Variants in SLC6A2 observed in about 807,000 individuals in gnomAD.
The protein encoded by SLC6A2 is sodium-dependent noradrenaline transporter.
In SLC6A2, 26 loss-of-function variants were observed where a neutral mutation model predicts 71.7. The observed-to-expected ratio is 0.36, with a 90% CI of 0.27 to 0.50. The LOEUF is 0.50. SLC6A2 is among the 20% of genes least tolerant of loss of function. The pLI is 0.96. For synonymous variants in SLC6A2, 363 were observed against 337.9 expected, an observed-to-expected ratio of 1.07 and a Z score of -0.82; for missense variants, 581 against 803.9, an observed-to-expected ratio of 0.72 and a Z score of 3.35.
intron 2 of SLC6A2, among the ~76,000 whole-genome samples, chr16:55,662,672 T>C (rs1964641464): frequency 6.6e-6 from 1 of 152,130 alleles, no homozygotes; most frequent in Non-Finnish European, 1.5e-5. Flanking sequence ...AAAAATCAAG[T>C]CCAGATCCTC....
At chr16:55,689,752 A>G (rs1965557059) in intron 5 of SLC6A2, among the ~76,000 whole-genome samples, 1 of 152,216 alleles carries the variant, frequency 6.6e-6, no homozygotes, top group Admixed American at 6.5e-5. Flanking sequence ...TTTCCAGGGC[A>G]TGTTTCCCTC....
Position 55,703,457 on chromosome 16 carries a change from G to A in SLC6A2, c.*1111G>A. The stretch of plus-strand genomic sequence containing the variant: ...TAGATGTGGCACCTTGGAGGGCAGG[G>A]TGAGACAAGCAGCCCAGAAATACTC... On this transcript the variant is annotated 3_prime_UTR_variant, in exon 15 of 15. Transcript: ENST00000568943. 1 of 985,484 alleles carries A rather than the reference G, an allele frequency of 1.0e-6. No individual in the cohort carries two copies. Among genetic ancestry groups the A allele is most frequent in the Non-Finnish European group, 1.2e-6 (1 of 829,956 alleles). 61.0% of individuals were successfully genotyped at this position (985,484 alleles called of 1,614,324 possible). A position where few individuals can be genotyped will look rare whatever the true frequency, so the allele number is the denominator to read the frequency against.
intron 9 of SLC6A2, 36 bp from the exon 10 acceptor site, chr16:55,697,861 T>C (rs1423821021): frequency 6.2e-7 from 1 of 1,612,916 alleles, no homozygotes; most frequent in Admixed American, 1.7e-5. Flanking sequence ...AGGGAGACCC[T>C]AATTCCTGCA....
chr16:55,681,227 AACTCAG>A, intron 4 of SLC6A2, among the ~76,000 whole-genome samples: 1 of 152,218 alleles, frequency 6.6e-6, no homozygotes, highest in Admixed American at 6.5e-5. Context: ...GATATTCTGT[AACTCAG>A]CCCTCATCAC....
At chr16:55,660,534 C>T (rs1347127588) in intron 2 of SLC6A2, among the ~76,000 whole-genome samples, 1 of 152,154 alleles carries the variant, frequency 6.6e-6, no homozygotes, top group African/African-American at 2.4e-5. Flanking sequence ...CCAGTAATTC[C>T]CAAATTAGCC....
Position 55,668,119 on chromosome 16 carries a change from A to G in SLC6A2, c.275-1446A>G, listed in dbSNP as rs142389594. Among the ~76,000 whole-genome samples, 1,001 of 151,462 alleles carry G rather than the reference A, an allele frequency of 6.6e-3. 5 individuals are homozygous for G. Among genetic ancestry groups the G allele is most frequent in the African/African-American group, 0.023 (941 of 41,216 alleles). On this transcript the variant is annotated intron_variant, in intron 2 of 14. Transcript: ENST00000568943. ...GCCCCCCACCACTGATCCATCTTCT[A>G]CTCACAAGGGACTAGGTCTCTCAGC... is the stretch of plus-strand genomic sequence containing the variant.
intron 2 of SLC6A2, among the ~76,000 whole-genome samples, chr16:55,666,932 T>G (rs1964766733): frequency 6.6e-6 from 1 of 152,224 alleles, no homozygotes; most frequent in South Asian, 2.1e-4. Context: ...CTTGGGCCAC[T>G]GACTTCCATC....
Position 55,670,757 on chromosome 16 carries a change from A to C in SLC6A2, c.406+1061A>C, listed in dbSNP as rs1176962118. Reference sequence around the variant, plus strand: ...CTTAAAGGTCCCAGAGAAGATTCTCATTGGTTTAACTTGAGTCATATGCCC... The same window carrying C: ...CTTAAAGGTCCCAGAGAAGATTCTCCTTGGTTTAACTTGAGTCATATGCCC... On this transcript the variant is annotated intron_variant, in intron 3 of 14. Transcript: ENST00000568943. Among the ~76,000 whole-genome samples, 8 of 152,360 alleles carry C rather than the reference A, an allele frequency of 5.3e-5. 1 individual carries two copies. The highest frequency in any genetic ancestry group is 1.5e-5 in the Non-Finnish European group (1 of 68,040).
At chr16:55,665,029 G>T (rs1964711023) in intron 2 of SLC6A2, among the ~76,000 whole-genome samples, 1 of 152,156 alleles carries the variant, frequency 6.6e-6, no homozygotes, top group Non-Finnish European at 1.5e-5. Flanking sequence ...CGGGAGGTGG[G>T]GGTGTCTGCA....
intron 5 of SLC6A2, 94 bp from the exon 6 acceptor site, chr16:55,691,824 G>T: frequency 7.0e-7 from 1 of 1,422,768 alleles, no homozygotes; most frequent in South Asian, 1.2e-5. Flanking sequence ...GAAAGAGCAT[G>T]ACTGGCTCCC....
intron 4 of SLC6A2, among the ~76,000 whole-genome samples, chr16:55,674,587 G>A (rs1301578636): frequency 6.6e-6 from 1 of 152,010 alleles, no homozygotes; most frequent in East Asian, 1.9e-4. Flanking sequence ...ACAACGCCTG[G>A]CTAATTTTTG....
rs1965650518 is a variant in SLC6A2, at chr16:55,692,046, G to C, written c.912G>C (p.Glu304Asp). The change falls in exon 6 of 15, where the codon GAG becomes GAC. Residue 304 changes from glutamate (E) to aspartate (D), a missense_variant. By Grantham distance (45) the Glu-to-Asp change is conservative. Coordinates refer to ENST00000568943, the MANE Select transcript of SLC6A2 (RefSeq NM_001172501.3). The part of the protein sequence containing the change: ...YLHIDFYRLK[E>D]ATVWIDAATQ... The stretch of plus-strand genomic sequence containing the variant: ...ACATCGACTTCTACCGCTTGAAAGA[G>C]GCCACGGTCAGTGCTCAGTGACCAC... The C allele has an allele frequency of 6.2e-7, 1 of 1,614,056 alleles. No homozygotes were observed. The highest frequency in any genetic ancestry group is 1.3e-5 in the African/African-American group (1 of 74,936).
At chr16:55,702,161 G>C (rs1166325607) in intron 14 of SLC6A2, among the ~76,000 whole-genome samples, 162 bp from the exon 15 acceptor site, 4 of 152,222 alleles carry the variant, frequency 2.6e-5, no homozygotes, top group African/African-American at 9.6e-5. Context: ...CCCTTTCTGG[G>C]CCTCTGTGAC....
chr16:55,700,186 C>A lies in SLC6A2; in HGVS notation c.1638C>A (p.Asp546Glu), dbSNP rs368151884. Residue 546 changes from aspartate to glutamate, a missense_variant, in exon 13 of 15, where the codon GAC (aspartate) becomes GAA (glutamate). Physicochemically the swap from Asp to Glu is conservative, Grantham distance 45. Around this residue, in one of 5 missense-constraint regions of SLC6A2, gnomAD observed 334 missense variants for 449.0 expected, o/e 0.74. Transcript: ENST00000568943. ...TCAACTTCAAGCCACTCACCTACGA[C>A]GACTACATCTTCCCGCCCTGGGCCA... ...SIINFKPLTY[D>E]DYIFPPWANW... 7.4e-6 allele frequency: 12 copies of A among 1,614,084 alleles called. No homozygotes were observed. Among genetic ancestry groups the A allele is most frequent in the Admixed American group, 3.3e-5 (2 of 60,026 alleles).
At chr16:55,698,132 T>A (rs1393689536) in intron 10 of SLC6A2, 107 bp downstream of exon 10, 4 of 1,261,810 alleles carry the variant, frequency 3.2e-6, no homozygotes, top group Non-Finnish European at 4.6e-6. Context: ...GGGAGAACAA[T>A]GCAGGATCCA....
intron 6 of SLC6A2, among the ~76,000 whole-genome samples, chr16:55,692,412 T>C (rs1965663664): frequency 6.6e-6 from 1 of 152,302 alleles, no homozygotes; most frequent in Admixed American, 6.5e-5. Flanking sequence ...CTGCCCTCTT[T>C]CTACTCTTGG....
In SLC6A2 at chr16:55,702,608, G is replaced by A; in HGVS notation, c.*262G>A. On this transcript the variant is annotated 3_prime_UTR_variant, in exon 15 of 15. Coordinates refer to ENST00000568943, the MANE Select transcript of SLC6A2 (RefSeq NM_001172501.3). ...TTCTGTCCCCGCTGTTTTGGGGGAA[G>A]TCTCTCCCACTTTGGGATCCTGCTG... is the stretch of plus-strand genomic sequence containing the variant. 7.1e-7 allele frequency: 1 copy of A among 1,401,036 alleles called. No individual in the cohort carries two copies. Among genetic ancestry groups the A allele is most frequent in the Non-Finnish European group, 9.3e-7 (1 of 1,078,110 alleles). 86.8% of individuals were successfully genotyped at this position (1,401,036 alleles called of 1,614,324 possible).
chr16:55,672,303 C>T (rs1196065149), intron 4 of SLC6A2, 128 bp downstream of exon 4: 3 of 1,511,530 alleles, frequency 2.0e-6, no homozygotes, highest in Non-Finnish European at 1.8e-6. Flanking sequence ...ACTGAGCAGC[C>T]ACTGGCCTGA....
intron 4 of SLC6A2, among the ~76,000 whole-genome samples, chr16:55,676,175 G>A (rs538625495): frequency 3.9e-5 from 6 of 152,256 alleles, no homozygotes; most frequent in African/African-American, 7.2e-5. Flanking sequence ...TGCAGTTGTC[G>A]TCAAATTCTC....
Sources: gnomAD v4.1 joint callset for allele counts (sites outside exome capture counted in the v4.1 genomes callset) on GRCh38, gnomAD v4.1.1 for gene constraint, gnomAD v4.1.1 regional missense constraint, MANE v1.5 for transcripts, NCBI Gene and HGNC (gene_info 2026-07-23, HGNC 2026-07-21) for gene names.